Variants in CAPZB observed in about 807,000 individuals in gnomAD.
CAPZB encodes the protein F-actin-capping protein subunit beta.
A neutral mutation model predicts 38.1 loss-of-function variants in CAPZB; 2 were observed. The ratio of observed to expected loss-of-function variants is 0.05; its 90% CI spans 0.02 to 0.17. CAPZB has a LOEUF of 0.17. CAPZB is among the 10% of genes least tolerant of loss of function. The probability of loss-of-function intolerance (pLI) is 1.00; values close to 1 mark genes in which losing one functional copy is unlikely to be tolerated. For synonymous variants in CAPZB, 107 were observed against 127.4 expected (o/e 0.84, Z 1.08); for missense variants, 161 against 334.2 (o/e 0.48, Z 4.04).
chr1:19,342,839 G>C (rs1426444215), intron 8 of CAPZB: 1 of 1,609,742 alleles, frequency 6.2e-7, no homozygotes, highest in East Asian at 2.2e-5. Context: ...TTAAACTTTT[G>C]GTTGTCAGGG....
At chr1:19,415,785 T>C (rs2100474822) in intron 2 of CAPZB, among the ~76,000 whole-genome samples, 1 of 152,352 alleles carries the variant, frequency 6.6e-6, no homozygotes, top group Middle Eastern at 3.4e-3. Flanking sequence ...GTTATCCACC[T>C]GCCTTGGCCT....
intron 1 of CAPZB, among the ~76,000 whole-genome samples, chr1:19,476,024 T>C (rs1003592355): frequency 6.6e-6 from 1 of 152,168 alleles, no homozygotes; most frequent in East Asian, 1.9e-4. Context: ...AGGTAACTAC[T>C]AAAACAGGCC....
intron 8 of CAPZB, among the ~76,000 whole-genome samples, chr1:19,344,148 G>A (rs1299029590): frequency 1.3e-5 from 2 of 152,190 alleles, no homozygotes; most frequent in African/African-American, 4.8e-5. Context: ...AACAAATGGT[G>A]CAGATAGGGA....
chr1:19,359,208 C>CTT, intron 4 of CAPZB, among the ~76,000 whole-genome samples: 2 of 94,486 alleles, frequency 2.1e-5, no homozygotes, highest in Non-Finnish European at 4.2e-5. Context: ...ATTCTCTGTA[C>CTT]TCTTTTTTTT....
At chr1:19,428,897 T>C (rs1237368502) in intron 1 of CAPZB, among the ~76,000 whole-genome samples, 1 of 152,012 alleles carries the variant, frequency 6.6e-6, no homozygotes, top group Admixed American at 6.6e-5. Context: ...AACTACACCA[T>C]CCTCCTACAT....
chr1:19,410,555 C>T (rs930706526), intron 2 of CAPZB, among the ~76,000 whole-genome samples: 2 of 152,158 alleles, frequency 1.3e-5, no homozygotes, highest in African/African-American at 4.8e-5. Flanking sequence ...AGCCCGGGTT[C>T]CCCACAGCCC....
intron 2 of CAPZB, among the ~76,000 whole-genome samples, chr1:19,388,483 G>A (rs2094215308): frequency 6.6e-6 from 1 of 152,210 alleles, no homozygotes; most frequent in Non-Finnish European, 1.5e-5. Flanking sequence ...AAATTGGCAG[G>A]TAATAGGAAT....
At chr1:19,458,194 A>T (rs2094539259) in intron 1 of CAPZB, among the ~76,000 whole-genome samples, 2 of 152,060 alleles carry the variant, frequency 1.3e-5, no homozygotes, top group African/African-American at 4.8e-5. Flanking sequence ...GTTGAACTAC[A>T]TGAAATTGCC....
rs1570394893 is a variant in CAPZB at position 19,484,474 on chromosome 1, T to C, written c.3+962A>G. ...ACGCACAGCACCCACGGCGGCAGCC[T>C]CGAGAAGGGCCCGCAGAGCAGCGCG... On this transcript the variant is annotated intron_variant, in intron 1 of 8. Coordinates refer to ENST00000264202, the MANE Select transcript of CAPZB (RefSeq NM_004930.5). The C allele has an allele frequency of 5.5e-6, 8 of 1,445,388 alleles. No homozygotes were observed. In the African/African-American group the frequency reaches 7.1e-5, roughly 13 times the overall value. 89.5% of individuals were successfully genotyped at this position (1,445,388 alleles called of 1,614,324 possible). A position where few individuals can be genotyped will look rare whatever the true frequency, so the allele number is the denominator to read the frequency against.
At chr1:19,454,303 A>C (rs2094526246) in intron 1 of CAPZB, among the ~76,000 whole-genome samples, 1 of 152,222 alleles carries the variant, frequency 6.6e-6, no homozygotes, top group African/African-American at 2.4e-5. Context: ...GAAGAATGAA[A>C]TGCTGGCCAC....
intron 1 of CAPZB, among the ~76,000 whole-genome samples, chr1:19,469,821 G>C (rs1164140449): frequency 1.3e-5 from 2 of 150,944 alleles, no homozygotes; most frequent in African/African-American, 4.9e-5. Flanking sequence ...GCACAGTAAA[G>C]GGCTTGCAAA....
chr1:19,380,288 G>C (rs2094167127), intron 3 of CAPZB, among the ~76,000 whole-genome samples: 1 of 152,224 alleles, frequency 6.6e-6, no homozygotes, highest in Non-Finnish European at 1.5e-5. Context: ...AAAGCAGAAG[G>C]AGCCTTGGAA....
chr1:19,342,930 G>C lies in CAPZB; in HGVS notation c.731+1428C>G, dbSNP rs905917576. On this transcript the variant is annotated intron_variant, in intron 8 of 8. Transcript: ENST00000264202. ...GAACGACGAGAAGCCAGGAACGCAG[G>C]GGGCCACAGCTGAGGAGGAAATTCA... 5.0e-5 allele frequency: 49 copies of C among 973,352 alleles called. No individual in the cohort carries two copies. The South Asian group carries it at 5.8e-4, about 12-fold the overall frequency. The allele number at this position is 973,352 out of a possible 1,614,324, so 60.3% of individuals were successfully genotyped here.
chr1:19,353,653 C>A (rs2100297965), intron 6 of CAPZB, among the ~76,000 whole-genome samples: 1 of 152,324 alleles, frequency 6.6e-6, no homozygotes, highest in Middle Eastern at 3.4e-3. Flanking sequence ...CCCAAGCCGA[C>A]TGGCAGAGCC....
intron 2 of CAPZB, among the ~76,000 whole-genome samples, chr1:19,410,784 C>T (rs952212279): frequency 2.6e-5 from 4 of 152,132 alleles, no homozygotes; most frequent in Middle Eastern, 3.2e-3. Flanking sequence ...TAAGAAATGG[C>T]ATACTATAAT....
In CAPZB at chr1:19,485,423, G is replaced by T. The variant is rs1167666829; in HGVS notation, c.3+13C>A. The T allele has an allele frequency of 2.2e-5, 27 of 1,229,368 alleles. No individual in the cohort carries two copies. In the East Asian group the frequency reaches 8.6e-4, roughly 39 times the overall value. The allele number at this position is 1,229,368 out of a possible 1,614,324, so 76.2% of individuals were successfully genotyped here. A position where few individuals can be genotyped will look rare whatever the true frequency, so the allele number is the denominator to read the frequency against. On this transcript the variant is annotated intron_variant, in intron 1 of 8. Coordinates refer to ENST00000264202, the MANE Select transcript of CAPZB (RefSeq NM_004930.5). ...GGGCCCCCGGGCCGGGGAGGGGGCC[G>T]TGCGGCCTTTACCATGGTGGCGGCG...
chr1:19,340,084 G>A (rs926679704), intron 8 of CAPZB, among the ~76,000 whole-genome samples: 1 of 152,210 alleles, frequency 6.6e-6, no homozygotes, highest in African/African-American at 2.4e-5. Context: ...GGGGCCATGC[G>A]GGTTCCTCTA....
Position 19,427,119 on chromosome 1 carries a change from C to T in CAPZB, c.4-7369G>A, listed in dbSNP as rs562850054. On this transcript the variant is annotated intron_variant, in intron 1 of 8. Coordinates refer to ENST00000264202, the MANE Select transcript of CAPZB (RefSeq NM_004930.5). ...CTGCTAGAGGATGGTGCCACAGCCT[C>T]ACCGGAGTGTGTACGTTTTGTGTGT... is the stretch of plus-strand genomic sequence containing the variant. Among the ~76,000 whole-genome samples, 3 of 152,336 alleles carry T rather than the reference C, an allele frequency of 2.0e-5. No homozygotes were observed. In the South Asian group the frequency reaches 6.2e-4, roughly 32 times the overall value.
At chr1:19,339,682 G>GGGCCACCATGCCAGTGCCTGGC in intron 8 of CAPZB, 65 bp from the exon 9 acceptor site, 1 of 1,207,954 alleles carries the variant, frequency 8.3e-7, no homozygotes, top group East Asian at 2.3e-5. Flanking sequence ...GGAGGCCTGG[G>GGGCCACCATGCCAGTGCCTGGC]GGCCACCATG....
Sources: gnomAD v4.1 joint callset for allele counts (sites outside exome capture counted in the v4.1 genomes callset) on GRCh38, gnomAD v4.1.1 for gene constraint, MANE v1.5 for transcripts, NCBI Gene and HGNC (gene_info 2026-07-23, HGNC 2026-07-21) for gene names.